Variants in SOX7 observed in about 807,000 individuals in gnomAD.
The protein encoded by SOX7 is SRY-box transcription factor 7, also known as transcription factor SOX-7.
In SOX7, 19 loss-of-function variants were observed where a neutral mutation model predicts 24.9. The observed-to-expected ratio is 0.76, with a 90% confidence interval of 0.53 to 1.12. The LOEUF is 1.12. SOX7 is among the 50% of genes most tolerant of loss of function. The pLI is 0.00. For missense variants in SOX7, 702 were observed against 535.0 expected, an observed-to-expected ratio of 1.31 and a Z score of -3.08; for synonymous variants, 327 against 244.5, an observed-to-expected ratio of 1.34 and a Z score of -3.15.
Position 10,726,569 on chromosome 8 carries a change from G to T in SOX7, c.336C>A (p.Tyr112Ter), listed in dbSNP as rs1317961877. ...RLQHMQDYPN[Y>*]KYRPRRKKQA... Reference sequence around the variant, plus strand: ...GCTTCTTCCTGCGCGGCCGGTACTTGTAGTTGGGGTAGTCCTGCATGTGCT... The same window carrying T: ...GCTTCTTCCTGCGCGGCCGGTACTTTTAGTTGGGGTAGTCCTGCATGTGCT... The change falls in exon 2 of 2, where the codon TAC becomes TAA. Residue 112 changes from tyrosine to a stop codon, truncating the protein, a stop_gained. Transcript: ENST00000304501. LOFTEE classifies it high-confidence loss of function. 1 of 1,611,508 alleles carries T rather than the reference G, an allele frequency of 6.2e-7. No homozygotes were observed. The highest frequency in any genetic ancestry group is 2.2e-5 in the East Asian group (1 of 44,870).
Position 10,725,639 on chromosome 8 carries a change from G to C in SOX7, c.*99C>G. 2 of 1,320,048 alleles carry C rather than the reference G, an allele frequency of 1.5e-6. No homozygotes were observed. The highest frequency in any genetic ancestry group is 2.1e-6 in the Non-Finnish European group (2 of 942,788). The allele number at this position is 1,320,048 out of a possible 1,614,324, so 81.8% of individuals were successfully genotyped here. A position where few individuals can be genotyped will look rare whatever the true frequency, so the allele number is the denominator to read the frequency against. Reference sequence around the variant, plus strand: ...CGCAGTTCAGACCTCCCTGCCCTGAGCGGTGGGAGGAAAGCTGGTGTGGCT... The same window carrying C: ...CGCAGTTCAGACCTCCCTGCCCTGACCGGTGGGAGGAAAGCTGGTGTGGCT... On this transcript the variant is annotated 3_prime_UTR_variant, in exon 2 of 2. Coordinates refer to ENST00000304501, the MANE Select transcript of SOX7 (RefSeq NM_031439.4).
chr8:10,730,087 C>A lies in SOX7; in HGVS notation c.238+109G>T, dbSNP rs1409586079. 3 of 769,608 alleles carry A rather than the reference C, an allele frequency of 3.9e-6. No individual in the cohort carries two copies. Among genetic ancestry groups the A allele is most frequent in the Non-Finnish European group, 5.4e-6 (3 of 559,232 alleles). The allele number at this position is 769,608 out of a possible 1,614,324, so 47.7% of individuals were successfully genotyped here. Reference sequence around the variant, plus strand: ...GCGGGCACGAAGAGGGCCCTCGTCCCGCGTGCCGGGTCTTCCCCAGGCTCC... The same window carrying A: ...GCGGGCACGAAGAGGGCCCTCGTCCAGCGTGCCGGGTCTTCCCCAGGCTCC... On this transcript the variant is annotated intron_variant, in intron 1 of 1. Transcript: ENST00000304501. The surrounding 1 kb of genome is among the most constrained non-coding windows in gnomAD (Gnocchi z 4.8).
In SOX7 at chr8:10,724,369, G is replaced by C. The variant is rs892833499; in HGVS notation, c.*1369C>G. 2.0e-5 allele frequency: 3 copies of C among 152,244 alleles called. No individual in the cohort carries two copies. The highest frequency in any genetic ancestry group is 7.2e-5 in the African/African-American group (3 of 41,450). The allele number at this position is 152,244 out of a possible 1,614,324, so 9.4% of individuals were successfully genotyped here. ...CACAGCAGCTAAAGGAAGCATGCTT[G>C]GGATAAGTCAGGGGCTGTTTCAGTT... On this transcript the variant is annotated 3_prime_UTR_variant, in exon 2 of 2. Transcript: ENST00000304501.
rs907291599 is a variant in SOX7, at chr8:10,726,723, C to G, written c.239-57G>C. 6.8e-6 allele frequency: 10 copies of G among 1,471,116 alleles called. No individual in the cohort carries two copies. The African/African-American group carries it at 1.3e-4, about 19-fold the overall frequency. The allele number at this position is 1,471,116 out of a possible 1,614,324, so 91.1% of individuals were successfully genotyped here. A position where few individuals can be genotyped will look rare whatever the true frequency, so the allele number is the denominator to read the frequency against. On this transcript the variant is annotated intron_variant, in intron 1 of 1. Coordinates refer to ENST00000304501, the MANE Select transcript of SOX7 (RefSeq NM_031439.4). Reference sequence around the variant, plus strand: ...AGTGCTGTGCCCCGCAGGCATCGCACATGCACACGCGTGCACACACACGTG... The same window carrying G: ...AGTGCTGTGCCCCGCAGGCATCGCAGATGCACACGCGTGCACACACACGTG...
At chr8:10,726,804 T>G in intron 1 of SOX7, 138 bp from the exon 2 acceptor site, 58 of 759,442 alleles carry the variant, frequency 7.6e-5, no homozygotes, top group Non-Finnish European at 1.1e-4. Context: ...CGGGCATCTC[T>G]TGCACCCTCT....
At chr8:10,726,996 G>T (rs1800168930) in intron 1 of SOX7, among the ~76,000 whole-genome samples, 2 of 152,170 alleles carry the variant, frequency 1.3e-5, no homozygotes, top group Non-Finnish European at 2.9e-5. Flanking sequence ...TGTCAGCTAC[G>T]GGAAGAAAAT....
intron 1 of SOX7, among the ~76,000 whole-genome samples, chr8:10,729,022 T>C (rs1027410440): frequency 4.6e-5 from 7 of 152,256 alleles, no homozygotes; most frequent in African/African-American, 9.6e-5. Context: ...CCCAGACCAC[T>C]AAGGCGAGTT....
Position 10,726,362 on chromosome 8 carries a change from CCCCTCGTGGTAGCAG to C in SOX7, c.528_542del (p.Cys177_Gly181del). 1 of 1,612,840 alleles carries C rather than the reference CCCCTCGTGGTAGCAG, an allele frequency of 6.2e-7. No individual in the cohort carries two copies. The highest frequency in any genetic ancestry group is 8.5e-7 in the Non-Finnish European group (1 of 1,179,590). On this transcript the variant is annotated inframe_deletion, in exon 2 of 2. Coordinates refer to ENST00000304501, the MANE Select transcript of SOX7 (RefSeq NM_031439.4). ...TGCCGCCGCCGCCACCACCAGCCGG[CCCCTCGTGGTAGCAG>C]CCCCGGAGGCTGGGCAGGGCAGTGC...
rs1239357574 is a variant in SOX7 at position 10,724,863 on chromosome 8, C to G, written c.*875G>C. The G allele has an allele frequency of 6.6e-6, 1 of 152,058 alleles. No homozygotes were observed. The highest frequency in any genetic ancestry group is 6.6e-5 in the Admixed American group (1 of 15,254). 9.4% of individuals were successfully genotyped at this position (152,058 alleles called of 1,614,324 possible). On this transcript the variant is annotated 3_prime_UTR_variant, in exon 2 of 2. Coordinates refer to ENST00000304501, the MANE Select transcript of SOX7 (RefSeq NM_031439.4). ...TCAGCCTTCCAAGTAGCTGGGATTA[C>G]AGGCATGCACCACCACTCCCAGCAA...
chr8:10,726,016 G>C lies in SOX7; in HGVS notation c.889C>G (p.Gln297Glu), dbSNP rs948849319. The change falls in exon 2 of 2, where the codon CAA becomes GAA. Residue 297 changes from glutamine (Q) to glutamate (E), a missense_variant. Transcript: ENST00000304501. ...GGGGAAAGCTGGCCCAGGTGGGCTT[G>C]GAGGTTGGAGTGGAGTGGGTGGTAG... ...ATYHPLHSNL[Q>E]AHLGQLSPPP... The C allele has an allele frequency of 1.3e-6, 2 of 1,586,154 alleles. No homozygotes were observed. Among genetic ancestry groups the C allele is most frequent in the African/African-American group, 1.3e-5 (1 of 74,628 alleles).
chr8:10,728,725 C>T (rs553554459), intron 1 of SOX7, among the ~76,000 whole-genome samples: 30 of 152,350 alleles, frequency 2.0e-4, no homozygotes, highest in African/African-American at 7.0e-4. Flanking sequence ...TCCCCATTCC[C>T]TGGCCCAGGC....
chr8:10,724,124 T>C lies in SOX7; in HGVS notation c.*1614A>G, dbSNP rs901619257. The C allele has an allele frequency of 2.0e-5, 3 of 152,160 alleles. No homozygotes were observed. Among genetic ancestry groups the C allele is most frequent in the Non-Finnish European group, 4.4e-5 (3 of 68,032 alleles). The allele number at this position is 152,160 out of a possible 1,614,324, so 9.4% of individuals were successfully genotyped here. ...AAAACATATTTCATACAGGAAATAA[T>C]ATGCTAAAATCAAAAAACCAACAAC... is the stretch of plus-strand genomic sequence containing the variant. On this transcript the variant is annotated 3_prime_UTR_variant, in exon 2 of 2. Coordinates refer to ENST00000304501, the MANE Select transcript of SOX7 (RefSeq NM_031439.4).
Position 10,726,406 on chromosome 8 carries a change from G to C in SOX7, c.499C>G (p.Pro167Ala). 1.3e-5 allele frequency: 21 copies of C among 1,612,230 alleles called. No individual in the cohort carries two copies. The highest frequency in any genetic ancestry group is 1.8e-5 in the Non-Finnish European group (21 of 1,179,382). The change falls in exon 2 of 2, where the codon CCC becomes GCC. Residue 167 changes from proline (P) to alanine (A), a missense_variant. Transcript: ENST00000304501. ...CGGAGGCTGGGCAGGGCAGTGCCGG[G>C]GGAGTACTCACCCCTGTCCTCCTTC... ...GEKEDRGEYS[P>A]GTALPSLRGC...
Position 10,730,389 on chromosome 8 carries a change from C to T in SOX7, c.45G>A (p.Glu15=), listed in dbSNP as rs770757055. The change falls in exon 1 of 2, where the codon GAG becomes GAA. Residue 15 remains glutamate (E), a synonymous_variant. Coordinates refer to ENST00000304501, the MANE Select transcript of SOX7 (RefSeq NM_031439.4). This position sits in a 1 kb window ranked among gnomAD's most constrained non-coding sequence, Gnocchi z 4.8. ...ACAGCTCGGCGTCCAGGGCCGGGCACTCGAGACCCTCGGGCCAAGGGTAGG... is the reference window on the plus strand; with the variant it reads ...ACAGCTCGGCGTCCAGGGCCGGGCATTCGAGACCCTCGGGCCAAGGGTAGG... ...LGAYPWPEGL[E]CPALDAELSD... The T allele has an allele frequency of 9.2e-6, 14 of 1,524,588 alleles. No individual in the cohort carries two copies. The highest frequency in any genetic ancestry group is 1.2e-5 in the South Asian group (1 of 81,244). The allele number at this position is 1,524,588 out of a possible 1,614,324, so 94.4% of individuals were successfully genotyped here. A position where few individuals can be genotyped will look rare whatever the true frequency, so the allele number is the denominator to read the frequency against.
intron 1 of SOX7, among the ~76,000 whole-genome samples, chr8:10,727,143 C>G (rs967255557): frequency 5.3e-5 from 8 of 152,318 alleles, no homozygotes; most frequent in Non-Finnish European, 1.2e-4. Flanking sequence ...TTACCTATGG[C>G]ATAAATCTCA....
At chr8:10,727,324 G>A (rs768410693) in intron 1 of SOX7, among the ~76,000 whole-genome samples, 3 of 152,016 alleles carry the variant, frequency 2.0e-5, no homozygotes, top group Non-Finnish European at 4.4e-5. Flanking sequence ...ACACATATAC[G>A]CACACCCAGA....
In SOX7 at chr8:10,730,508, A is replaced by G; in HGVS notation, c.-75T>C. 9.2e-7 allele frequency: 1 copy of G among 1,089,806 alleles called. No homozygotes were observed. Among genetic ancestry groups the G allele is most frequent in the Non-Finnish European group, 1.2e-6 (1 of 824,366 alleles). The allele number at this position is 1,089,806 out of a possible 1,614,324, so 67.5% of individuals were successfully genotyped here. Reference sequence around the variant, plus strand: ...GGCCCTCGCACGGGTCGGGGCGTCCAACTTGGCCCGCAGCCGCGACCCGGC... The same window carrying G: ...GGCCCTCGCACGGGTCGGGGCGTCCGACTTGGCCCGCAGCCGCGACCCGGC... On this transcript the variant is annotated 5_prime_UTR_variant, in exon 1 of 2. Transcript: ENST00000304501. This position sits in a 1 kb window ranked among gnomAD's most constrained non-coding sequence, Gnocchi z 4.8.
In SOX7 at chr8:10,730,237, T is replaced by C; in HGVS notation, c.197A>G (p.Gln66Arg). ...CTCGGCGTTGTGCAGGTCCGGGTTC[T>C]GCACTGCCAGCCGTTTCCTCTCGTC... ...AKDERKRLAV[Q>R]NPDLHNAELS... The change falls in exon 1 of 2, where the codon CAG becomes CGG. Residue 66 changes from glutamine (Q) to arginine (R), a missense_variant. Transcript: ENST00000304501. This position sits in a 1 kb window ranked among gnomAD's most constrained non-coding sequence, Gnocchi z 4.8. 4 of 1,569,820 alleles carry C rather than the reference T, an allele frequency of 2.5e-6. No individual in the cohort carries two copies. Among genetic ancestry groups the C allele is most frequent in the East Asian group, 2.5e-5 (1 of 39,280 alleles).
At chr8:10,726,695 C>T (rs1340702938) in intron 1 of SOX7, 29 bp from the exon 2 acceptor site, 2 of 1,539,104 alleles carry the variant, frequency 1.3e-6, no homozygotes, top group Admixed American at 1.9e-5. Context: ...GGAGGCCATG[C>T]TCAGTGCTGT....
Sources: gnomAD v4.1 joint callset for allele counts (sites outside exome capture counted in the v4.1 genomes callset) on GRCh38, gnomAD v4.1.1 for gene constraint, Gnocchi (gnomAD v3.1) non-coding constraint, MANE v1.5 for transcripts, NCBI Gene and HGNC (gene_info 2026-07-23, HGNC 2026-07-21) for gene names.